Variants in FBXL7 observed in about 807,000 individuals in gnomAD.
FBXL7 encodes F-box/LRR-repeat protein 7.
A neutral mutation model predicts 38.3 loss-of-function variants in FBXL7; 12 were observed. That is an observed-to-expected ratio of 0.31 (90% CI 0.20 to 0.51). The LOEUF is 0.51. Ranked by LOEUF, FBXL7 falls within the 20% of genes least tolerant of loss-of-function variation. FBXL7 has a pLI of 0.98. For synonymous variants in FBXL7, 297 were observed against 300.9 expected (o/e 0.99, Z 0.13); for missense variants, 567 against 676.4 (o/e 0.84, Z 1.79).
chr5:15,877,169 C>G (rs769929269), intron 2 of FBXL7, among the ~76,000 whole-genome samples: 1 of 152,170 alleles, frequency 6.6e-6, no homozygotes, highest in Non-Finnish European at 1.5e-5. Context: ...CACAACATAT[C>G]TGCAACTCTT....
intron 2 of FBXL7, among the ~76,000 whole-genome samples, chr5:15,911,575 C>T (rs1327900017): frequency 1.0e-4 from 10 of 100,110 alleles, no homozygotes; most frequent in South Asian, 3.8e-4. Context: ...TGAGGAACTG[C>T]GTTCCTTTGG....
chr5:15,548,468 G>A (rs1299281735), intron 1 of FBXL7, among the ~76,000 whole-genome samples: 1 of 152,150 alleles, frequency 6.6e-6, no homozygotes, highest in African/African-American at 2.4e-5. Context: ...CTCTCAGTAT[G>A]CCTCTTTCTG....
chr5:15,890,597 C>G (rs1260123969), intron 2 of FBXL7, among the ~76,000 whole-genome samples: 1 of 152,100 alleles, frequency 6.6e-6, no homozygotes, highest in African/African-American at 2.4e-5. Flanking sequence ...TGCAACGGAC[C>G]TAGGTTGCAC....
chr5:15,523,430 A>G (rs755963747), intron 1 of FBXL7, among the ~76,000 whole-genome samples: 6 of 151,874 alleles, frequency 4.0e-5, no homozygotes, highest in Non-Finnish European at 7.4e-5. Flanking sequence ...GTGGTGGCAG[A>G]CGCCTGTAGT....
intron 2 of FBXL7, among the ~76,000 whole-genome samples, chr5:15,639,067 T>G (rs1741275384): frequency 1.3e-5 from 2 of 152,208 alleles, no homozygotes. Context: ...TGGGGATCTC[T>G]CATGTCTGAG....
chr5:15,764,572 A>AG (rs1161115398), intron 2 of FBXL7, among the ~76,000 whole-genome samples: 1 of 152,310 alleles, frequency 6.6e-6, no homozygotes, highest in South Asian at 2.1e-4. Context: ...AGAAACTCCG[A>AG]GGGGGGCTTA....
rs376608657 is a variant in FBXL7, at chr5:15,647,370, C to T, written c.127+31298C>T. On this transcript the variant is annotated intron_variant, in intron 2 of 3. Transcript: ENST00000504595. ...CAGACACCAAGTCCAGTGCTCTTCT[C>T]GCCATTCCATGTAGCATCTCTTATT... 8.5e-5 allele frequency among the ~76,000 whole-genome samples: 13 copies of T among 152,306 alleles called. No homozygotes were observed. The Middle Eastern group carries it at 0.01, about 120-fold the overall frequency.
chr5:15,577,958 A>T (rs1739023621), intron 1 of FBXL7, among the ~76,000 whole-genome samples: 1 of 152,140 alleles, frequency 6.6e-6, no homozygotes, highest in African/African-American at 2.4e-5. Flanking sequence ...ATTGACATGG[A>T]GCTGTTCTTC....
chr5:15,925,340 A>T (rs751859350), intron 2 of FBXL7, among the ~76,000 whole-genome samples: 2 of 152,226 alleles, frequency 1.3e-5, no homozygotes, highest in Admixed American at 1.3e-4. Context: ...CTACTCAAGA[A>T]AGGTGTTTGT....
chr5:15,928,435 A>G lies in FBXL7; in HGVS notation c.673A>G (p.Ile225Val). 6.2e-7 allele frequency: 1 copy of G among 1,614,000 alleles called. No homozygotes were observed. Among genetic ancestry groups the G allele is most frequent in the Non-Finnish European group, 8.5e-7 (1 of 1,179,882 alleles). Residue 225 changes from isoleucine to valine, a missense_variant, in exon 3 of 4, where the codon ATC becomes GTC. Coordinates refer to ENST00000504595, the MANE Select transcript of FBXL7 (RefSeq NM_012304.5). The surrounding 1 kb of genome is among the most constrained non-coding windows in gnomAD (Gnocchi z 4.0). ...RRLEVSGCYN[I>V]SNEAVFDVVS... is the part of the protein sequence containing the mutation. ...ACTGGAAGTCTCAGGCTGTTACAAT[A>G]TCTCCAACGAGGCCGTCTTTGATGT...
At chr5:15,578,622 A>AC (rs1739040470) in intron 1 of FBXL7, among the ~76,000 whole-genome samples, 1 of 151,594 alleles carries the variant, frequency 6.6e-6, no homozygotes. Flanking sequence ...GATTTTCATG[A>AC]CCCCCCGTGA....
chr5:15,539,358 A>G (rs1277779353), intron 1 of FBXL7, among the ~76,000 whole-genome samples: 1 of 152,194 alleles, frequency 6.6e-6, no homozygotes, highest in Non-Finnish European at 1.5e-5. Context: ...CAGAAAGCCC[A>G]GGTTGAGGAT....
intron 2 of FBXL7, among the ~76,000 whole-genome samples, chr5:15,916,469 C>T (rs1741588063): frequency 6.6e-6 from 1 of 151,998 alleles, no homozygotes; most frequent in Non-Finnish European, 1.5e-5. Flanking sequence ...GAGCAGGGAG[C>T]CAGATACAGA....
At chr5:15,709,950 C>T (rs1243946354) in intron 2 of FBXL7, among the ~76,000 whole-genome samples, 1 of 152,140 alleles carries the variant, frequency 6.6e-6, no homozygotes, top group African/African-American at 2.4e-5. Flanking sequence ...ATGACAATCA[C>T]CTCCTAAAGC....
chr5:15,615,367 C>CACCTCCTGGCTCATTT (rs1276446072), intron 1 of FBXL7, among the ~76,000 whole-genome samples: 1 of 152,152 alleles, frequency 6.6e-6, no homozygotes, highest in Non-Finnish European at 1.5e-5. Flanking sequence ...ATGCCAGTTG[C>CACCTCCTGGCTCATTT]ACCTCCTGGC....
At chr5:15,671,039 A>G (rs1191966007) in intron 2 of FBXL7, among the ~76,000 whole-genome samples, 1 of 151,928 alleles carries the variant, frequency 6.6e-6, no homozygotes, top group Non-Finnish European at 1.5e-5. Flanking sequence ...TTCTTTCATT[A>G]TTATGTGAGA....
At chr5:15,737,772 T>C (rs1735793198) in intron 2 of FBXL7, among the ~76,000 whole-genome samples, 1 of 152,162 alleles carries the variant, frequency 6.6e-6, no homozygotes, top group African/African-American at 2.4e-5. Context: ...CAATTCCTTT[T>C]ATACTTAGGA....
chr5:15,877,699 T>C (rs1156303409), intron 2 of FBXL7, among the ~76,000 whole-genome samples: 1 of 152,220 alleles, frequency 6.6e-6, no homozygotes, highest in Non-Finnish European at 1.5e-5. Context: ...TCTACTGTTA[T>C]TTCTGCATTG....
intron 1 of FBXL7, among the ~76,000 whole-genome samples, chr5:15,521,512 A>C (rs1186585690): frequency 6.6e-6 from 1 of 152,188 alleles, no homozygotes; most frequent in Non-Finnish European, 1.5e-5. Context: ...TGGAAGCTGC[A>C]TTGTCTAGTC....
Sources: allele counts gnomAD v4.1 joint callset (sites outside exome capture counted in the v4.1 genomes callset), GRCh38; gene constraint gnomAD v4.1.1; non-coding constraint Gnocchi (gnomAD v3.1); transcripts MANE v1.5; gene names NCBI Gene and HGNC (gene_info 2026-07-23, HGNC 2026-07-21).